The following AGAP1 variants were observed in gnomAD, a reference collection of about 807,000 sequenced individuals.
AGAP1 encodes the protein arf-GAP with GTPase, ANK repeat and PH domain-containing protein 1.
A neutral mutation model predicts 105.3 loss-of-function variants in AGAP1; 29 were observed. The observed-to-expected ratio is 0.28, with a 90% CI of 0.21 to 0.38. AGAP1 has a LOEUF of 0.38. Ranked by LOEUF, AGAP1 falls within the 10% of genes least tolerant of loss-of-function variation. AGAP1 has a pLI of 1.00. For missense variants in AGAP1, 998 were observed against 1,165.1 expected (o/e 0.86, Z 2.09); for synonymous variants, 509 against 485.9 (o/e 1.05, Z -0.63).
chr2:235,862,035 T>A (rs2048947767), intron 9 of AGAP1, among the ~76,000 whole-genome samples: 1 of 152,034 alleles, frequency 6.6e-6, no homozygotes, highest in East Asian at 1.9e-4. Flanking sequence ...CAGGAGTGCC[T>A]CCTTCAGCTT....
chr2:235,679,054 CAAGA>C (rs1164902907), intron 1 of AGAP1, among the ~76,000 whole-genome samples: 2 of 152,200 alleles, frequency 1.3e-5, no homozygotes, highest in African/African-American at 2.4e-5. Flanking sequence ...ATGATGGCGG[CAAGA>C]AAGAAAGAAT....
At chr2:235,524,836 A>G (rs1397189919) in intron 1 of AGAP1, among the ~76,000 whole-genome samples, 1 of 152,238 alleles carries the variant, frequency 6.6e-6, no homozygotes, top group Non-Finnish European at 1.5e-5. Flanking sequence ...TTCAGTGAAC[A>G]GATGTCTTCT....
intron 16 of AGAP1, among the ~76,000 whole-genome samples, chr2:236,099,667 C>A (rs1349929939): frequency 6.6e-6 from 1 of 152,098 alleles, no homozygotes; most frequent in Non-Finnish European, 1.5e-5. Context: ...TTGGTGATAT[C>A]TTTGCCACCA....
At chr2:235,834,611 AC>A (rs1959895830) in intron 9 of AGAP1, among the ~76,000 whole-genome samples, 1 of 152,202 alleles carries the variant, frequency 6.6e-6, no homozygotes, top group Admixed American at 6.5e-5. Flanking sequence ...TTTTTTGGGT[AC>A]CATCCACTGG....
rs1006370723 is a variant in AGAP1 at position 235,709,371 on chromosome 2, A to G, written c.222+134A>G. ...TGTGACTCTGGGTGTGTTCCTGGGA[A>G]GGGCCAGGTATAGTTGATAGCTTGG... On this transcript the variant is annotated intron_variant, in intron 2 of 17. Transcript: ENST00000304032. 2.6e-5 allele frequency: 27 copies of G among 1,023,456 alleles called. 1 individual carries two copies. Among genetic ancestry groups the G allele is most frequent in the Middle Eastern group, 2.1e-4 (1 of 4,750 alleles). 63.4% of individuals were successfully genotyped at this position (1,023,456 alleles called of 1,614,324 possible). A position where few individuals can be genotyped will look rare whatever the true frequency, so the allele number is the denominator to read the frequency against.
At chr2:235,932,091 A>G (rs1312610178) in intron 12 of AGAP1, among the ~76,000 whole-genome samples, 1 of 152,174 alleles carries the variant, frequency 6.6e-6, no homozygotes, top group Non-Finnish European at 1.5e-5. Flanking sequence ...AACCCCAAAC[A>G]AGGAGGTTTG....
At chr2:235,884,269 G>C (rs1200623040) in intron 10 of AGAP1, among the ~76,000 whole-genome samples, 6 of 152,024 alleles carry the variant, frequency 3.9e-5, no homozygotes, top group Admixed American at 2.0e-4. Context: ...CATGGTGGTC[G>C]AGTCCCTTAT....
chr2:235,508,850 A>G (rs538539505), intron 1 of AGAP1, among the ~76,000 whole-genome samples: 1 of 152,244 alleles, frequency 6.6e-6, no homozygotes, highest in Non-Finnish European at 1.5e-5. Context: ...AAGAGGGAGA[A>G]AGGGATGCTC....
rs142377329 is a variant in AGAP1, at chr2:235,992,765, G to T, written c.1645+24142G>T. Among the ~76,000 whole-genome samples, 1 of 152,184 alleles carries T rather than the reference G, an allele frequency of 6.6e-6. No individual in the cohort carries two copies. Among genetic ancestry groups the T allele is most frequent in the Admixed American group, 6.5e-5 (1 of 15,290 alleles). ...GGATGCGTCGTGGGCGCCGAGGAGA[G>T]CGTAGCCTCCTGTTAACGTAGCCTC... On this transcript the variant is annotated intron_variant, in intron 13 of 17. Transcript: ENST00000304032. This position sits in a 1 kb window ranked among gnomAD's most constrained non-coding sequence, Gnocchi z 4.8.
chr2:235,899,832 G>A (rs150453547), intron 10 of AGAP1, among the ~76,000 whole-genome samples: 1 of 152,290 alleles, frequency 6.6e-6, no homozygotes, highest in East Asian at 1.9e-4. Flanking sequence ...GCAGGCATGG[G>A]TTACAACTGC....
rs924616075 is a variant in AGAP1 at position 235,609,343 on chromosome 2, A to C, written c.164-99836A>C. ...GAGAAGTCCCTGTTAAAATGGCCAGAGGACATGGGGACATGGGGCAGGGAG... is the reference window on the plus strand; with the variant it reads ...GAGAAGTCCCTGTTAAAATGGCCAGCGGACATGGGGACATGGGGCAGGGAG... On this transcript the variant is annotated intron_variant, in intron 1 of 17. Transcript: ENST00000304032. The surrounding 1 kb of genome is among the most constrained non-coding windows in gnomAD (Gnocchi z 5.1). Among the ~76,000 whole-genome samples the C allele has an allele frequency of 6.6e-6, 1 of 152,180 alleles. No individual in the cohort carries two copies. The highest frequency in any genetic ancestry group is 1.5e-5 in the Non-Finnish European group (1 of 68,034).
intron 1 of AGAP1, among the ~76,000 whole-genome samples, chr2:235,693,872 C>T (rs1949864515): frequency 6.6e-6 from 1 of 152,182 alleles, no homozygotes; most frequent in Non-Finnish European, 1.5e-5. Context: ...TCAGCCCTTA[C>T]TTGGGGGTTA....
chr2:235,987,373 T>A (rs1247119118), intron 13 of AGAP1, among the ~76,000 whole-genome samples: 1 of 152,136 alleles, frequency 6.6e-6, no homozygotes, highest in Non-Finnish European at 1.5e-5. Context: ...TTATTATGTC[T>A]GTTTGATTTT....
rs558259802 is a variant in AGAP1 at position 235,609,693 on chromosome 2, C to G, written c.164-99486C>G. On this transcript the variant is annotated intron_variant, in intron 1 of 17. Coordinates refer to ENST00000304032, the MANE Select transcript of AGAP1 (RefSeq NM_001037131.3). This position sits in a 1 kb window ranked among gnomAD's most constrained non-coding sequence, Gnocchi z 5.1. ...ATGGTAAACGTCCCTGGTTCTGTAC[C>G]GGAGGAACAGGAGCTCTGGAGGTCT... Among the ~76,000 whole-genome samples, 3 of 152,148 alleles carry G rather than the reference C, an allele frequency of 2.0e-5. No individual in the cohort carries two copies. The South Asian group carries it at 6.2e-4, about 32-fold the overall frequency.
Position 235,958,128 on chromosome 2 carries a change from A to G in AGAP1, c.1484-10334A>G, listed in dbSNP as rs1011224525. Among the ~76,000 whole-genome samples, 6 of 152,150 alleles carry G rather than the reference A, an allele frequency of 3.9e-5. No homozygotes were observed. The highest frequency in any genetic ancestry group is 1.2e-4 in the African/African-American group (5 of 41,432). On this transcript the variant is annotated intron_variant, in intron 12 of 17. Coordinates refer to ENST00000304032, the MANE Select transcript of AGAP1 (RefSeq NM_001037131.3). The surrounding 1 kb of genome is among the most constrained non-coding windows in gnomAD (Gnocchi z 4.1). ...AAAGCATTTTGTATCTTTAATCAAC[A>G]TGTAGAAAATGAACAGCCAACCCTT...
intron 1 of AGAP1, among the ~76,000 whole-genome samples, chr2:235,571,727 A>G (rs1276359906): frequency 6.6e-6 from 1 of 151,994 alleles, no homozygotes; most frequent in Non-Finnish European, 1.5e-5. Context: ...GCTGTAGTAT[A>G]TAGTCAGTGC....
chr2:235,853,346 C>T, intron 9 of AGAP1: 1 of 509,492 alleles, frequency 2.0e-6, no homozygotes. Flanking sequence ...AATGTTGTGA[C>T]TTTCTTAGTA....
rs938854235 is a variant in AGAP1, at chr2:235,724,348, T to G, written c.310+6704T>G. On this transcript the variant is annotated intron_variant, in intron 3 of 17. Transcript: ENST00000304032. This position sits in a 1 kb window ranked among gnomAD's most constrained non-coding sequence, Gnocchi z 4.9. Reference sequence around the variant, plus strand: ...AGCCCCATGTCCAGGCTCTCCCATCTTCCCAGCTCGGGCCACACATAGGCA... The same window carrying G: ...AGCCCCATGTCCAGGCTCTCCCATCGTCCCAGCTCGGGCCACACATAGGCA... 3.4e-4 allele frequency among the ~76,000 whole-genome samples: 52 copies of G among 152,348 alleles called. No individual in the cohort carries two copies. The highest frequency in any genetic ancestry group is 1.1e-3 in the African/African-American group (45 of 41,588).
rs949801210 is a variant in AGAP1 at position 235,936,585 on chromosome 2, A to G, written c.1483+5662A>G. On this transcript the variant is annotated intron_variant, in intron 12 of 17. Coordinates refer to ENST00000304032, the MANE Select transcript of AGAP1 (RefSeq NM_001037131.3). This position sits in a 1 kb window ranked among gnomAD's most constrained non-coding sequence, Gnocchi z 4.7. ...ACTTTCCAGCAAGCATGTCCACACC[A>G]TTCATCAATTTTAATCATTATAGTT... 9.2e-5 allele frequency among the ~76,000 whole-genome samples: 14 copies of G among 152,156 alleles called. No individual in the cohort carries two copies. The highest frequency in any genetic ancestry group is 2.2e-4 in the African/African-American group (9 of 41,432).
Sources: gnomAD v4.1 joint callset for allele counts (sites outside exome capture counted in the v4.1 genomes callset) on GRCh38, gnomAD v4.1.1 for gene constraint, Gnocchi (gnomAD v3.1) non-coding constraint, MANE v1.5 for transcripts, NCBI Gene and HGNC (gene_info 2026-07-23, HGNC 2026-07-21) for gene names.